The following SLC14A2 variants were observed in gnomAD, a reference collection of about 807,000 sequenced individuals.
SLC14A2 encodes solute carrier family 14 member 2.
Under a neutral mutation model 104.6 loss-of-function variants are expected in SLC14A2, and 91 were observed. That is an observed-to-expected ratio of 0.87 (90% CI 0.73 to 1.04). The LOEUF is 1.04. SLC14A2 is among the 50% of genes least tolerant of loss of function. SLC14A2 has a pLI of 0.00. For missense variants in SLC14A2, 1,189 were observed against 1,156.0 expected, an observed-to-expected ratio of 1.03 and a Z score of -0.41; for synonymous variants, 476 against 466.4, an observed-to-expected ratio of 1.02 and a Z score of -0.27.
intron 2 of SLC14A2, among the ~76,000 whole-genome samples, chr18:45,555,421 C>A (rs1485134321): frequency 2.0e-5 from 3 of 152,142 alleles, no homozygotes; most frequent in African/African-American, 7.2e-5. Flanking sequence ...TAGATAAACC[C>A]ATGGTACATT....
intron 1 of SLC14A2, among the ~76,000 whole-genome samples, chr18:45,290,284 T>G (rs1026305174): frequency 2.0e-5 from 3 of 152,144 alleles, no homozygotes; most frequent in African/African-American, 7.2e-5. Context: ...CCACTAGTAG[T>G]CCCCAGCAGT....
At chr18:45,293,418 C>T (rs1271395725) in intron 1 of SLC14A2, among the ~76,000 whole-genome samples, 5 of 151,936 alleles carry the variant, frequency 3.3e-5, no homozygotes, top group Non-Finnish European at 5.9e-5. Context: ...TAGGGGAAGA[C>T]ATATATTAAA....
At chr18:45,555,464 G>T (rs909089321) in intron 2 of SLC14A2, among the ~76,000 whole-genome samples, 1 of 152,158 alleles carries the variant, frequency 6.6e-6, no homozygotes, top group Non-Finnish European at 1.5e-5. Context: ...ATAAGTTGGG[G>T]AGCAGCTGTA....
intron 2 of SLC14A2, among the ~76,000 whole-genome samples, chr18:45,565,166 C>T (rs1481772103): frequency 1.5e-4 from 22 of 150,232 alleles, no homozygotes; most frequent in African/African-American, 5.2e-4. Flanking sequence ...GCTCTGTCGC[C>T]CAGGCTGAAG....
At chr18:45,462,722 C>T (rs1052827145) in intron 1 of SLC14A2, among the ~76,000 whole-genome samples, 1 of 152,208 alleles carries the variant, frequency 6.6e-6, no homozygotes, top group African/African-American at 2.4e-5. Context: ...CACTTGAATC[C>T]CAGTTCTACA....
intron 1 of SLC14A2, among the ~76,000 whole-genome samples, chr18:45,363,125 A>G (rs1334536639): frequency 1.3e-5 from 2 of 152,096 alleles, no homozygotes; most frequent in Non-Finnish European, 2.9e-5. Context: ...TCACAGCGAT[A>G]TTGTTTTATA....
intron 1 of SLC14A2, among the ~76,000 whole-genome samples, chr18:45,340,387 A>G (rs2085381753): frequency 6.6e-6 from 1 of 152,198 alleles, no homozygotes. Context: ...TGCCCTGCCC[A>G]TCTGTCAAAG....
intron 7 of SLC14A2, among the ~76,000 whole-genome samples, chr18:45,640,591 T>C (rs925631689): frequency 2.6e-5 from 4 of 152,188 alleles, no homozygotes; most frequent in South Asian, 2.1e-4. Context: ...GGTAGGAGCA[T>C]TGGGAGTAGG....
intron 2 of SLC14A2, 75 bp downstream of exon 2, chr18:45,624,889 C>T: frequency 6.9e-7 from 1 of 1,442,204 alleles, no homozygotes; most frequent in Non-Finnish European, 9.5e-7. Flanking sequence ...ATGCCGCTTT[C>T]CCACCTTCCC....
intron 10 of SLC14A2, among the ~76,000 whole-genome samples, chr18:45,661,984 G>A (rs988110862): frequency 2.5e-4 from 38 of 152,160 alleles, no homozygotes; most frequent in African/African-American, 8.4e-4. Context: ...GAAGGGACAC[G>A]ATCAGGTGTG....
intron 2 of SLC14A2, among the ~76,000 whole-genome samples, chr18:45,484,322 T>G (rs1249000499): frequency 6.6e-6 from 1 of 152,166 alleles, no homozygotes; most frequent in South Asian, 2.1e-4. Flanking sequence ...GGCCTCTCCT[T>G]GATGAAAGAG....
Position 45,627,082 on chromosome 18 carries a change from G to A in SLC14A2, c.456G>A (p.Trp152Ter). The change falls in exon 4 of 20, where the codon TGG becomes TGA. Residue 152 changes from tryptophan (W) to a stop codon, truncating the protein, a stop_gained. Transcript: ENST00000255226. LOFTEE classifies it high-confidence loss of function. ...GGCTGCTGATCCAGAATCCCTGGTG[G>A]ACAATCACTGGGGGCCTGGGGACAG... ...FIGLLIQNPWWTITGGLGTVV... is the reference protein window; with the variant it reads ...FIGLLIQNPW 6.2e-7 allele frequency: 1 copy of A among 1,614,048 alleles called. No homozygotes were observed. Among genetic ancestry groups the A allele is most frequent in the South Asian group, 1.1e-5 (1 of 91,078 alleles).
the SLC14A2 span, among the ~76,000 whole-genome samples, chr18:45,201,165 A>G: frequency 6.6e-6 from 1 of 152,070 alleles, no homozygotes; most frequent in East Asian, 1.9e-4. Context: ...TATTCTCATC[A>G]TTTCCTATCA....
chr18:45,307,417 CAAA>C (rs71373705), intron 1 of SLC14A2, among the ~76,000 whole-genome samples: 3 of 57,430 alleles, frequency 5.2e-5, no homozygotes, highest in African/African-American at 1.0e-4. Context: ...GACTCCATCT[CAAA>C]AAAAAAAAAA....
chr18:45,603,336 G>A (rs772051584), intron 2 of SLC14A2, among the ~76,000 whole-genome samples: 15 of 151,992 alleles, frequency 9.9e-5, no homozygotes, highest in Middle Eastern at 3.2e-3. Flanking sequence ...AAGAACATGC[G>A]TGTGGTTTCC....
At position 45,457,703 on chromosome 18, in the gene SLC14A2, A is replaced by T. The variant is rs371801762; in HGVS notation, c.-124-25530A>T. On this transcript the variant is annotated intron_variant, in intron 1 of 20. Transcript: ENST00000586448. ...TATGGAGGTTAAAAAAAAAAAAAAA[A>T]GGAAATCTGCATGGCCAAGAACACA... Among the ~76,000 whole-genome samples the T allele has an allele frequency of 5.1e-4, 70 of 137,144 alleles. 1 individual carries two copies. The highest frequency in any genetic ancestry group is 1.7e-3 in the African/African-American group (66 of 38,132). The allele number at this position is 137,144 out of a possible 152,430, so 90.0% of individuals were successfully genotyped here. A position where few individuals can be genotyped will look rare whatever the true frequency, so the allele number is the denominator to read the frequency against.
rs117415545 is a variant in SLC14A2 at position 45,407,898 on chromosome 18, G to C, written c.-124-75335G>C. Among the ~76,000 whole-genome samples, 723 of 152,212 alleles carry C rather than the reference G, an allele frequency of 4.7e-3. 10 individuals are homozygous for C. Among genetic ancestry groups the C allele is most frequent in the East Asian group, 0.026 (135 of 5,184 alleles). ...GTAATATCAAAGATCACTGATCACA[G>C]ATCACCATAACAGATATAATGGTAA... is the stretch of plus-strand genomic sequence containing the variant. On this transcript the variant is annotated intron_variant, in intron 1 of 20. Transcript: ENST00000586448.
chr18:45,448,545 A>G (rs908164230), intron 1 of SLC14A2, among the ~76,000 whole-genome samples: 1 of 152,126 alleles, frequency 6.6e-6, no homozygotes, highest in African/African-American at 2.4e-5. Flanking sequence ...ACTAACTGCC[A>G]CTCCACATGC....
At chr18:45,235,929 A>ATG (rs1276508358) in intron 1 of SLC14A2, among the ~76,000 whole-genome samples, 1 of 110,230 alleles carries the variant, frequency 9.1e-6, no homozygotes, top group Non-Finnish European at 1.8e-5. Context: ...GTGTGTATAT[A>ATG]TGTATATATA....
Sources: allele counts gnomAD v4.1 joint callset (sites outside exome capture counted in the v4.1 genomes callset), GRCh38; gene constraint gnomAD v4.1.1; transcripts MANE v1.5; gene names NCBI Gene and HGNC (gene_info 2026-07-23, HGNC 2026-07-21).